SDK1: variants seen among roughly 807,000 people sequenced by gnomAD.
The protein encoded by SDK1 is sidekick cell adhesion molecule 1, also known as protein sidekick-1.
In SDK1, 157 loss-of-function variants were observed where a neutral mutation model predicts 245.5. The observed-to-expected ratio is 0.64, with a 90% CI of 0.56 to 0.73. The LOEUF (loss-of-function observed/expected upper bound fraction) is 0.73. Ranked by LOEUF, SDK1 falls within the 30% of genes least tolerant of loss-of-function variation. The pLI is 0.00. For synonymous variants in SDK1, 1,647 were observed against 1,278.5 expected (o/e 1.29, Z -6.15); for missense variants, 3,583 against 3,002.3 (o/e 1.19, Z -4.52).
intron 14 of SDK1, among the ~76,000 whole-genome samples, chr7:3,992,564 A>G (rs1784411089): frequency 6.6e-6 from 1 of 152,216 alleles, no homozygotes; most frequent in African/African-American, 2.4e-5. Context: ...CCCTGTGACC[A>G]GGCTGAGAAT....
chr7:4,251,834 CT>C (rs1215603816), intron 44 of SDK1, among the ~76,000 whole-genome samples: 4 of 152,174 alleles, frequency 2.6e-5, no homozygotes, highest in Admixed American at 2.0e-4. Context: ...ATTGTTTCTA[CT>C]TTTTGGTTAC....
At chr7:3,529,103 G>A (rs1336427443) in intron 1 of SDK1, among the ~76,000 whole-genome samples, 1 of 152,130 alleles carries the variant, frequency 6.6e-6, no homozygotes, top group Non-Finnish European at 1.5e-5. Flanking sequence ...TTATAAATGT[G>A]GAAAGGGGAA....
chr7:3,646,015 T>G (rs1403588773), intron 4 of SDK1, among the ~76,000 whole-genome samples: 1 of 152,106 alleles, frequency 6.6e-6, no homozygotes, highest in Non-Finnish European at 1.5e-5. Flanking sequence ...CACCCCACTA[T>G]GCCCAGCTGA....
intron 4 of SDK1, among the ~76,000 whole-genome samples, chr7:3,728,252 G>T (rs1465057891): frequency 6.6e-6 from 1 of 152,152 alleles, no homozygotes; most frequent in African/African-American, 2.4e-5. Flanking sequence ...CTTTGTTTTT[G>T]TACTACTTCT....
intron 13 of SDK1, among the ~76,000 whole-genome samples, chr7:3,975,408 A>G (rs568818305): frequency 6.6e-6 from 1 of 152,276 alleles, no homozygotes; most frequent in South Asian, 2.1e-4. Context: ...GGCAATCTTG[A>G]GAGATTTTTC....
At position 3,974,450 on chromosome 7, in the gene SDK1, C is replaced by G. The variant is rs759620953; in HGVS notation, c.1899C>G (p.Leu633=). 3 of 1,614,118 alleles carry G rather than the reference C, an allele frequency of 1.9e-6. No homozygotes were observed. In the Admixed American group the frequency reaches 5.0e-5, roughly 27 times the overall value. The change falls in exon 13 of 45, where the codon CTC becomes CTG. Residue 633 remains leucine (L), a synonymous_variant. Coordinates refer to ENST00000404826, the MANE Select transcript of SDK1 (RefSeq NM_152744.4). ...TGGTGGAGAAGGACGGGTCCCTTCTCATCAGCCAGACGTGGTCAGGCGACA... is the reference window on the plus strand; with the variant it reads ...TGGTGGAGAAGGACGGGTCCCTTCTGATCAGCCAGACGTGGTCAGGCGACA... ...RIVVEKDGSL[L]ISQTWSGDIG... is the part of the protein sequence containing the mutation.
intron 5 of SDK1, among the ~76,000 whole-genome samples, chr7:3,891,697 G>T (rs926563716): frequency 3.9e-5 from 6 of 152,138 alleles, no homozygotes; most frequent in Non-Finnish European, 5.9e-5. Context: ...GCAGTTGAAA[G>T]ATTTCATTGG....
intron 43 of SDK1, among the ~76,000 whole-genome samples, chr7:4,244,334 C>G (rs924420475): frequency 1.3e-5 from 2 of 152,210 alleles, no homozygotes; most frequent in African/African-American, 2.4e-5. Flanking sequence ...TGGACATGGT[C>G]CCTTTGAGCA....
At chr7:4,185,542 ACTCCCGTCCCTGGGAGGACAGACAGTC>A (rs1278755571) in intron 35 of SDK1, among the ~76,000 whole-genome samples, 1 of 150,452 alleles carries the variant, frequency 6.6e-6, no homozygotes. Flanking sequence ...ACTGCTCCCT[ACTCCCGTCCCTGGGAGGACAGACAGTC>A]CTCCCTCCCA....
At chr7:3,662,205 A>G (rs750404046) in intron 4 of SDK1, among the ~76,000 whole-genome samples, 8 of 152,304 alleles carry the variant, frequency 5.3e-5, no homozygotes, top group Non-Finnish European at 7.4e-5. Flanking sequence ...AATAGGTAAA[A>G]TGGAACTGAT....
At chr7:3,346,377 C>G (rs182749477) in intron 1 of SDK1, among the ~76,000 whole-genome samples, 1 of 152,274 alleles carries the variant, frequency 6.6e-6, no homozygotes, top group Non-Finnish European at 1.5e-5. Flanking sequence ...GCTTCACTTT[C>G]TTCCTAGGCT....
chr7:3,470,380 G>C (rs1781143954), intron 1 of SDK1, among the ~76,000 whole-genome samples: 1 of 152,110 alleles, frequency 6.6e-6, no homozygotes, highest in African/African-American at 2.4e-5. Flanking sequence ...ACTATTTAAA[G>C]ATCTCATGAA....
At chr7:4,253,429 T>C (rs1375202982) in intron 44 of SDK1, among the ~76,000 whole-genome samples, 1 of 152,218 alleles carries the variant, frequency 6.6e-6, no homozygotes, top group Non-Finnish European at 1.5e-5. Flanking sequence ...TCCTCATATT[T>C]GTGAATTTCC....
intron 4 of SDK1, among the ~76,000 whole-genome samples, chr7:3,676,902 T>C (rs1370261443): frequency 6.6e-6 from 1 of 152,162 alleles, no homozygotes; most frequent in Non-Finnish European, 1.5e-5. Context: ...GCTATTTTAG[T>C]TTCTTAGGCC....
At chr7:4,196,274 T>G (rs1783571438) in intron 35 of SDK1, among the ~76,000 whole-genome samples, 1 of 152,124 alleles carries the variant, frequency 6.6e-6, no homozygotes, top group Non-Finnish European at 1.5e-5. Flanking sequence ...AGCCCCGCCC[T>G]CGCTCAGACC....
intron 4 of SDK1, among the ~76,000 whole-genome samples, chr7:3,790,870 G>A (rs1276452253): frequency 1.3e-5 from 2 of 152,090 alleles, no homozygotes; most frequent in African/African-American, 4.8e-5. Context: ...AGGGAGGTTG[G>A]GACAGGGGAA....
intron 1 of SDK1, among the ~76,000 whole-genome samples, chr7:3,405,524 C>T (rs755799700): frequency 6.6e-6 from 1 of 152,194 alleles, no homozygotes; most frequent in Non-Finnish European, 1.5e-5. Context: ...AAAATCTCTG[C>T]CTGTCTTTAG....
intron 5 of SDK1, among the ~76,000 whole-genome samples, chr7:3,881,323 A>C (rs1024120572): frequency 1.3e-5 from 2 of 152,036 alleles, no homozygotes; most frequent in African/African-American, 4.8e-5. Flanking sequence ...CTCATCGTTC[A>C]GCTCCCACTT....
intron 44 of SDK1, among the ~76,000 whole-genome samples, chr7:4,256,467 A>G (rs1174929144): frequency 1.3e-5 from 2 of 152,270 alleles, no homozygotes; most frequent in Non-Finnish European, 2.9e-5. Context: ...AGAAGAAAGC[A>G]TTGCAGGGAA....
Sources: gnomAD v4.1 joint callset for allele counts (sites outside exome capture counted in the v4.1 genomes callset) on GRCh38, gnomAD v4.1.1 for gene constraint, MANE v1.5 for transcripts, NCBI Gene and HGNC (gene_info 2026-07-23, HGNC 2026-07-21) for gene names.